Variants in GNA12 observed in about 807,000 individuals in gnomAD.
The protein encoded by GNA12 is guanine nucleotide-binding protein subunit alpha-12.
GNA12 carries 9 observed loss-of-function variants against 26.0 expected under a neutral mutation model. The observed-to-expected ratio is 0.35, with a 90% CI of 0.21 to 0.60. The LOEUF is 0.60. Among genes scored for constraint, GNA12 ranks in the 20% least tolerant of loss-of-function variants. GNA12 has a pLI of 0.78. For missense variants in GNA12, 405 were observed against 525.8 expected (o/e 0.77, Z 2.25); for synonymous variants, 264 against 219.6 (o/e 1.20, Z -1.79).
intron 1 of GNA12, among the ~76,000 whole-genome samples, chr7:2,810,842 G>A (rs563052377): frequency 1.3e-5 from 2 of 152,192 alleles, no homozygotes; most frequent in South Asian, 4.1e-4. Context: ...AGGTTGCCGT[G>A]AGCCATGATT....
At chr7:2,829,270 C>A (rs1472185199) in intron 1 of GNA12, among the ~76,000 whole-genome samples, 1 of 152,114 alleles carries the variant, frequency 6.6e-6, no homozygotes, top group African/African-American at 2.4e-5. Context: ...ATTGGGAAAT[C>A]CTCCACCCAT....
At chr7:2,743,109 A>C (rs76466725) in intron 2 of GNA12, among the ~76,000 whole-genome samples, 142 of 152,304 alleles carry the variant, frequency 9.3e-4, no homozygotes, top group African/African-American at 3.4e-3. Context: ...TCCAAAAAGA[A>C]AAGAGTCAGT....
intron 2 of GNA12, among the ~76,000 whole-genome samples, chr7:2,754,337 C>G (rs1791187254): frequency 6.6e-6 from 1 of 152,096 alleles, no homozygotes; most frequent in African/African-American, 2.4e-5. Context: ...TGTTTTCGTA[C>G]TGGTGAGTAT....
At chr7:2,815,961 G>A (rs1793208995) in intron 1 of GNA12, among the ~76,000 whole-genome samples, 1 of 152,228 alleles carries the variant, frequency 6.6e-6, no homozygotes, top group African/African-American at 2.4e-5. Context: ...GAGAAGCAAT[G>A]GTTGACAGCC....
Position 2,833,081 on chromosome 7 carries a change from G to A in GNA12, c.309+10772C>T, listed in dbSNP as rs768356265. On this transcript the variant is annotated intron_variant, in intron 1 of 3. Coordinates refer to ENST00000275364, the MANE Select transcript of GNA12 (RefSeq NM_007353.3). ...CGGTCAGCAACAAATATTCACATTC[G>A]GCTTTTAGGATTAAAAGGCAATCCG... Among the ~76,000 whole-genome samples the A allele has an allele frequency of 2.4e-4, 37 of 152,116 alleles. 1 individual carries two copies. The highest frequency in any genetic ancestry group is 3.8e-4 in the East Asian group (2 of 5,204).
intron 2 of GNA12, among the ~76,000 whole-genome samples, chr7:2,747,591 T>C (rs1354994471): frequency 4.6e-5 from 7 of 152,136 alleles, no homozygotes; most frequent in African/African-American, 1.4e-4. Context: ...ACTGGAAGCA[T>C]TCCCTTTGAA....
intron 1 of GNA12, among the ~76,000 whole-genome samples, chr7:2,828,826 TG>T (rs1396655893): frequency 6.6e-6 from 1 of 151,784 alleles, no homozygotes; most frequent in Non-Finnish European, 1.5e-5. Context: ...GAGGCCAAGG[TG>T]GGTGGGTTGC....
rs1050023077 is a variant in GNA12, at chr7:2,844,199, G to A, written c.-38C>T. 1.0e-6 allele frequency: 1 copy of A among 962,088 alleles called. No individual in the cohort carries two copies. Among genetic ancestry groups the A allele is most frequent in the African/African-American group, 1.8e-5 (1 of 56,140 alleles). 59.6% of individuals were successfully genotyped at this position (962,088 alleles called of 1,614,324 possible). A position where few individuals can be genotyped will look rare whatever the true frequency, so the allele number is the denominator to read the frequency against. ...CGCGGCCGCGCCCCGCCGGCGCCCG[G>A]GGGCCATGGACGCTCCCGCCGGCGA... On this transcript the variant is annotated 5_prime_UTR_variant, in exon 1 of 4. Transcript: ENST00000275364.
chr7:2,735,640 G>A (rs546741055), intron 2 of GNA12, among the ~76,000 whole-genome samples: 2 of 152,320 alleles, frequency 1.3e-5, no homozygotes, highest in Admixed American at 1.3e-4. Flanking sequence ...ACTCACTGCT[G>A]CTTTCTCCAC....
At chr7:2,801,706 T>TA (rs895190941) in intron 1 of GNA12, among the ~76,000 whole-genome samples, 77 of 148,228 alleles carry the variant, frequency 5.2e-4, no homozygotes, top group Middle Eastern at 3.5e-3. Context: ...AAAAAGGCAT[T>TA]AAAAAAAAAA....
rs939025139 is a variant in GNA12, at chr7:2,729,722, G to C, written c.*1459C>G. The stretch of plus-strand genomic sequence containing the variant: ...ATGTGACTGAGCCACAGCAACATTC[G>C]GGTGCCAATTAAGAGGACGCTTTTC... On this transcript the variant is annotated 3_prime_UTR_variant, in exon 4 of 4. Transcript: ENST00000275364. 5 of 152,418 alleles carry C rather than the reference G, an allele frequency of 3.3e-5. No homozygotes were observed. Among genetic ancestry groups the C allele is most frequent in the African/African-American group, 1.2e-4 (5 of 41,466 alleles). 9.4% of individuals were successfully genotyped at this position (152,418 alleles called of 1,614,324 possible).
intron 1 of GNA12, among the ~76,000 whole-genome samples, chr7:2,833,672 C>T (rs1778746774): frequency 6.6e-6 from 1 of 152,138 alleles, no homozygotes; most frequent in Non-Finnish European, 1.5e-5. Context: ...AAAGGACCAA[C>T]CCCGTATGTC....
chr7:2,817,139 T>C lies in GNA12; in HGVS notation c.310-21996A>G, dbSNP rs559779525. ...ATTTATTTTTGAGACAGAGTCTCGC[T>C]CTATTGCCCAGGCTGTAGCGCAATG... On this transcript the variant is annotated intron_variant, in intron 1 of 3. Transcript: ENST00000275364. Among the ~76,000 whole-genome samples the C allele has an allele frequency of 5.3e-5, 8 of 152,374 alleles. No homozygotes were observed. In the East Asian group the frequency reaches 1.3e-3, roughly 26 times the overall value.
At chr7:2,736,497 G>T (rs1320097358) in intron 2 of GNA12, among the ~76,000 whole-genome samples, 1 of 152,164 alleles carries the variant, frequency 6.6e-6, no homozygotes, top group Non-Finnish European at 1.5e-5. Context: ...CAACAGAAGG[G>T]ATGAACCTGA....
At chr7:2,807,066 TG>T (rs1320960229) in intron 1 of GNA12, among the ~76,000 whole-genome samples, 1 of 152,244 alleles carries the variant, frequency 6.6e-6, no homozygotes, top group Non-Finnish European at 1.5e-5. Flanking sequence ...GTTTTTTAGT[TG>T]ATCTATTTGC....
intron 2 of GNA12, among the ~76,000 whole-genome samples, chr7:2,784,920 T>C (rs1792321033): frequency 6.6e-6 from 1 of 152,232 alleles, no homozygotes; most frequent in African/African-American, 2.4e-5. Flanking sequence ...TGCTGTCACA[T>C]AAAGTATTTC....
chr7:2,766,426 G>A (rs1166584646), intron 2 of GNA12, among the ~76,000 whole-genome samples: 8 of 141,750 alleles, frequency 5.6e-5, no homozygotes, highest in South Asian at 2.2e-4. Context: ...TTGCTCTGTC[G>A]CCAGGCTGGA....
At chr7:2,749,326 G>A (rs979941821) in intron 2 of GNA12, among the ~76,000 whole-genome samples, 1 of 152,124 alleles carries the variant, frequency 6.6e-6, no homozygotes, top group Non-Finnish European at 1.5e-5. Context: ...GAATACTATG[G>A]AGCCATAAAA....
intron 2 of GNA12, among the ~76,000 whole-genome samples, chr7:2,787,646 C>T (rs551955162): frequency 6.6e-6 from 1 of 152,240 alleles, no homozygotes; most frequent in Non-Finnish European, 1.5e-5. Context: ...ACAAGATAGG[C>T]TGAAGGCCGC....
Sources: gnomAD v4.1 joint callset for allele counts (sites outside exome capture counted in the v4.1 genomes callset) on GRCh38, gnomAD v4.1.1 for gene constraint, MANE v1.5 for transcripts, NCBI Gene and HGNC (gene_info 2026-07-23, HGNC 2026-07-21) for gene names.